The following C12orf54 variants were observed in gnomAD, a reference collection of about 807,000 sequenced individuals.
C12orf54 encodes the protein uncharacterized protein C12orf54.
In C12orf54, 24 loss-of-function variants were observed where a neutral mutation model predicts 26.4. The ratio of observed to expected loss-of-function variants is 0.91; its 90% confidence interval spans 0.66 to 1.28. C12orf54 has a LOEUF of 1.28. Among genes scored for constraint, C12orf54 ranks in the 50% most tolerant of loss-of-function variants. The pLI is 0.00. For missense variants in C12orf54, 154 were observed against 150.9 expected (o/e 1.02, Z -0.11); for synonymous variants, 54 against 47.0 (o/e 1.15, Z -0.61).
the C12orf54 span, chr12:48,472,515 G>A: frequency 1.2e-6 from 1 of 813,842 alleles, no homozygotes; most frequent in Non-Finnish European, 1.9e-6. Flanking sequence ...TGTGATGGGA[G>A]ATAATAGATT....
At position 48,483,184 on chromosome 12, in the gene C12orf54, G is replaced by A. The variant is rs180975387; in HGVS notation, c.-57-56G>A. 2.6e-4 allele frequency: 213 copies of A among 825,774 alleles called. 3 individuals are homozygous for A. The highest frequency in any genetic ancestry group is 3.0e-4 in the African/African-American group (17 of 57,520). 51.2% of individuals were successfully genotyped at this position (825,774 alleles called of 1,614,324 possible). On this transcript the variant is annotated intron_variant, in intron 1 of 8. Transcript: ENST00000548364. ...GCTGGTAGTTCTCCACTGAATAAGC[G>A]CTTTTCTTCTCACCATGTACCTGCC...
chr12:48,495,697 G>A (rs1937897180), intron 8 of C12orf54: 1 of 152,558 alleles, frequency 6.6e-6, no homozygotes, highest in South Asian at 2.1e-4. Flanking sequence ...AGTTATAGGT[G>A]ATGGAGAAAA....
chr12:48,452,946 C>G, the C12orf54 span, among the ~76,000 whole-genome samples: 2 of 152,236 alleles, frequency 1.3e-5, no homozygotes, highest in East Asian at 3.9e-4. Context: ...CCTCAAAGAC[C>G]TAGAGACAGA....
the C12orf54 span, among the ~76,000 whole-genome samples, chr12:48,461,051 G>A: frequency 6.6e-6 from 1 of 151,994 alleles, no homozygotes; most frequent in South Asian, 2.1e-4. Context: ...ATACCACAAG[G>A]ATATCAAAAG....
At chr12:48,488,480 CCA>C in intron 4 of C12orf54, 1 of 221,856 alleles carries the variant, frequency 4.5e-6, no homozygotes, top group Non-Finnish European at 8.0e-6. Context: ...AAACTTACAG[CCA>C]AAAAAAAAAA....
chr12:48,446,447 C>T, the C12orf54 span, among the ~76,000 whole-genome samples: 1 of 152,126 alleles, frequency 6.6e-6, no homozygotes, highest in Non-Finnish European at 1.5e-5. Context: ...TAATATAGTA[C>T]TAAGAGCATC....
At chr12:48,441,570 G>T in the C12orf54 span, among the ~76,000 whole-genome samples, 1 of 152,168 alleles carries the variant, frequency 6.6e-6, no homozygotes, top group Non-Finnish European at 1.5e-5. Flanking sequence ...AGGGGTTGGG[G>T]GTGGGGAGGT....
chr12:48,427,018 C>T, the C12orf54 span, among the ~76,000 whole-genome samples: 1 of 151,952 alleles, frequency 6.6e-6, no homozygotes, highest in Non-Finnish European at 1.5e-5. Flanking sequence ...AATCATGTCA[C>T]CTACAAACAG....
At chr12:48,435,730 G>C in the C12orf54 span, among the ~76,000 whole-genome samples, 2 of 151,252 alleles carry the variant, frequency 1.3e-5, no homozygotes, top group Middle Eastern at 3.2e-3. Flanking sequence ...TTGTCACCAA[G>C]CCTGCCCTAA....
the C12orf54 span, among the ~76,000 whole-genome samples, chr12:48,456,592 G>A: frequency 2.6e-5 from 4 of 152,168 alleles, no homozygotes; most frequent in Non-Finnish European, 1.5e-5. Flanking sequence ...GTGACCTTGG[G>A]AAAGCTATTT....
At chr12:48,457,771 A>G in the C12orf54 span, among the ~76,000 whole-genome samples, 13 of 152,210 alleles carry the variant, frequency 8.5e-5, no homozygotes, top group South Asian at 6.2e-4. Flanking sequence ...TCTGTGTGGC[A>G]TTCTCTACCT....
chr12:48,456,370 G>A, the C12orf54 span, among the ~76,000 whole-genome samples: 1 of 152,178 alleles, frequency 6.6e-6, no homozygotes, highest in East Asian at 1.9e-4. Context: ...TGTATCAAGT[G>A]GTCAGGGAAA....
the C12orf54 span, among the ~76,000 whole-genome samples, chr12:48,451,054 C>A: frequency 6.6e-6 from 1 of 152,100 alleles, no homozygotes; most frequent in Non-Finnish European, 1.5e-5. Flanking sequence ...AGGCCAATAT[C>A]CTTGATGAAC....
chr12:48,444,579 T>A, the C12orf54 span, among the ~76,000 whole-genome samples: 3 of 152,250 alleles, frequency 2.0e-5, no homozygotes, highest in African/African-American at 7.2e-5. Flanking sequence ...AGAAAAATAC[T>A]GCGTTAGCAT....
At chr12:48,476,140 A>G in the C12orf54 span, among the ~76,000 whole-genome samples, 20 of 152,320 alleles carry the variant, frequency 1.3e-4, no homozygotes, top group Admixed American at 3.3e-4. Flanking sequence ...CATATCAGCC[A>G]AACTAAGCTT....
At chr12:48,491,787 A>C (rs1468911027) in intron 6 of C12orf54, among the ~76,000 whole-genome samples, 1 of 152,218 alleles carries the variant, frequency 6.6e-6, no homozygotes, top group East Asian at 1.9e-4. Flanking sequence ...TTCTTCACTC[A>C]TCCAAGAAAG....
chr12:48,477,065 T>A, the C12orf54 span, among the ~76,000 whole-genome samples: 1 of 152,162 alleles, frequency 6.6e-6, no homozygotes, highest in African/African-American at 2.4e-5. Flanking sequence ...CACAGTGCAA[T>A]CAAACTAGAA....
the C12orf54 span, among the ~76,000 whole-genome samples, chr12:48,434,724 A>C: frequency 6.6e-6 from 1 of 152,232 alleles, no homozygotes; most frequent in East Asian, 1.9e-4. Context: ...AGGAAAACTA[A>C]CAAACAGAAA....
the C12orf54 span, among the ~76,000 whole-genome samples, chr12:48,475,673 A>G: frequency 1.3e-5 from 2 of 152,242 alleles, no homozygotes; most frequent in Non-Finnish European, 2.9e-5. Context: ...GAATGAAATG[A>G]AGCAAGAAGA....
Sources: allele counts gnomAD v4.1 joint callset (sites outside exome capture counted in the v4.1 genomes callset), GRCh38; gene constraint gnomAD v4.1.1; transcripts MANE v1.5; gene names NCBI Gene and HGNC (gene_info 2026-07-23, HGNC 2026-07-21).